The following GRIA2 variants were observed in gnomAD, a reference collection of about 807,000 sequenced individuals.
GRIA2 encodes the protein glutamate ionotropic receptor AMPA type subunit 2.
Under a neutral mutation model 97.3 loss-of-function variants are expected in GRIA2, and 14 were observed. The observed-to-expected ratio is 0.14, with a 90% CI of 0.10 to 0.23. The LOEUF is 0.23. Among genes scored for constraint, GRIA2 ranks in the 10% least tolerant of loss-of-function variants. The pLI is 1.00. For synonymous variants in GRIA2, 412 were observed against 387.8 expected (o/e 1.06, Z -0.73); for missense variants, 558 against 1,069.8 (o/e 0.52, Z 6.67).
chr4:157,341,181 C>T, intron 11 of GRIA2, 83 bp from the exon 12 acceptor site: 1 of 855,680 alleles, frequency 1.2e-6, no homozygotes, highest in South Asian at 1.4e-5. Context: ...CCCTATAAGT[C>T]AATATTTGCA....
intron 6 of GRIA2, among the ~76,000 whole-genome samples, chr4:157,330,009 G>A (rs1404105669): frequency 6.6e-6 from 1 of 151,832 alleles, no homozygotes; most frequent in East Asian, 1.9e-4. Context: ...CTATAGAATT[G>A]GAATAAAAAC....
intron 12 of GRIA2, 54 bp downstream of exon 12, chr4:157,341,516 T>A: frequency 8.1e-7 from 1 of 1,238,168 alleles, no homozygotes; most frequent in Non-Finnish European, 1.2e-6. Context: ...TTAACCTATT[T>A]AAACTTTGTT....
At chr4:157,260,164 A>C (rs1387922541) in intron 2 of GRIA2, among the ~76,000 whole-genome samples, 2 of 152,114 alleles carry the variant, frequency 1.3e-5, no homozygotes, top group Non-Finnish European at 2.9e-5. Context: ...ATTGCAGAGA[A>C]GCTATATATA....
At chr4:157,308,183 C>T (rs1261864031) in intron 3 of GRIA2, among the ~76,000 whole-genome samples, 1 of 152,156 alleles carries the variant, frequency 6.6e-6, no homozygotes, top group African/African-American at 2.4e-5. Context: ...TGGCTGATGG[C>T]TTGTCTATAA....
chr4:157,232,045 A>C (rs143325132), intron 2 of GRIA2, among the ~76,000 whole-genome samples: 36 of 152,332 alleles, frequency 2.4e-4, no homozygotes, highest in Non-Finnish European at 3.5e-4. Context: ...CACAGTGAGT[A>C]GTTTTATTCT....
intron 2 of GRIA2, among the ~76,000 whole-genome samples, chr4:157,264,546 C>G (rs1579315545): frequency 6.6e-6 from 1 of 152,174 alleles, no homozygotes; most frequent in East Asian, 1.9e-4. Flanking sequence ...AAACTCAGCT[C>G]ATTAGTAGCT....
chr4:157,241,692 A>G (rs1480654558), intron 2 of GRIA2, among the ~76,000 whole-genome samples: 1 of 152,062 alleles, frequency 6.6e-6, no homozygotes, highest in Admixed American at 6.6e-5. Context: ...CACTTCTGAG[A>G]TTGCCTTGAG....
At chr4:157,269,471 A>C (rs1382820887) in intron 2 of GRIA2, among the ~76,000 whole-genome samples, 2 of 152,082 alleles carry the variant, frequency 1.3e-5, no homozygotes, top group African/African-American at 4.8e-5. Flanking sequence ...TAGTAAACGT[A>C]CCTCTGAAAG....
intron 1 of GRIA2, chr4:157,221,400 T>A (rs1427647929): frequency 1.8e-5 from 10 of 568,648 alleles, no homozygotes; most frequent in Admixed American, 3.4e-5. Flanking sequence ...TTGCTCAGAT[T>A]TTCTTGGGGT....
At chr4:157,227,317 A>G (rs999510454) in intron 2 of GRIA2, among the ~76,000 whole-genome samples, 4 of 152,128 alleles carry the variant, frequency 2.6e-5, no homozygotes, top group Non-Finnish European at 5.9e-5. Context: ...TTTTCTCATA[A>G]TCTCTTCCAA....
chr4:157,224,056 G>A (rs563598334), intron 2 of GRIA2, among the ~76,000 whole-genome samples: 3 of 152,210 alleles, frequency 2.0e-5, no homozygotes, highest in South Asian at 2.1e-4. Context: ...ACACATTCAT[G>A]TAATCAACAT....
chr4:157,342,161 A>C, intron 12 of GRIA2: 1 of 958,946 alleles, frequency 1.0e-6, no homozygotes, highest in Non-Finnish European at 1.2e-6. Context: ...CAGCTGATTA[A>C]CTTAGGTCTG....
At chr4:157,299,289 G>A (rs1032055985) in intron 2 of GRIA2, among the ~76,000 whole-genome samples, 1 of 152,038 alleles carries the variant, frequency 6.6e-6, no homozygotes, top group Non-Finnish European at 1.5e-5. Flanking sequence ...TATGCATGGG[G>A]TTAATGTCAC....
At chr4:157,263,569 A>G (rs1419234028) in intron 2 of GRIA2, among the ~76,000 whole-genome samples, 2 of 151,938 alleles carry the variant, frequency 1.3e-5, no homozygotes, top group African/African-American at 2.4e-5. Flanking sequence ...GGGTTTTGCT[A>G]CTTCTGAAGA....
chr4:157,358,708 T>G (rs1736501889), intron 12 of GRIA2, among the ~76,000 whole-genome samples: 5 of 152,076 alleles, frequency 3.3e-5, no homozygotes, highest in Admixed American at 1.3e-4. Flanking sequence ...TATGCTATCA[T>G]AAACCCCAGT....
At chr4:157,248,849 G>T (rs1047120127) in intron 2 of GRIA2, among the ~76,000 whole-genome samples, 12 of 142,074 alleles carry the variant, frequency 8.4e-5, no homozygotes, top group Non-Finnish European at 1.5e-4. Flanking sequence ...AAAAAAATAT[G>T]TTTTTTGAGA....
At chr4:157,250,444 T>C (rs1374922376) in intron 2 of GRIA2, among the ~76,000 whole-genome samples, 1 of 152,094 alleles carries the variant, frequency 6.6e-6, no homozygotes, top group African/African-American at 2.4e-5. Context: ...TTTTCGCAAT[T>C]GAAGAAAAGA....
chr4:157,332,966 A>G lies in GRIA2; in HGVS notation c.1030A>G (p.Ile344Val). The stretch of plus-strand genomic sequence containing the variant: ...AGTGCCCTGGGGACAAGGTGTAGAA[A>G]TAGAAAGGGCCCTCAAACAGGTCAG... ...PAVPWGQGVE[I>V]ERALKQVQVE... The change falls in exon 7 of 16, where the codon ATA (isoleucine) becomes GTA (valine). Residue 344 changes from isoleucine to valine, a missense_variant. Coordinates refer to ENST00000264426, the MANE Select transcript of GRIA2 (RefSeq NM_001083619.3). The G allele has an allele frequency of 6.2e-7, 1 of 1,609,428 alleles. No homozygotes were observed. The highest frequency in any genetic ancestry group is 8.5e-7 in the Non-Finnish European group (1 of 1,177,820).
Position 157,341,410 on chromosome 4 carries a change from CAG to C in GRIA2, c.1993_1994del (p.Glu665AsnfsTer12). The C allele has an allele frequency of 6.2e-7, 1 of 1,612,244 alleles. No homozygotes were observed. The highest frequency in any genetic ancestry group is 8.5e-7 in the Non-Finnish European group (1 of 1,178,520). ...AGTGCTGAGGATCTTTCTAAGCAAA[CAG>C]AAATTGCTTATGGAACATTAGACTC... On this transcript the variant is annotated frameshift_variant, in exon 12 of 16. Coordinates refer to ENST00000264426, the MANE Select transcript of GRIA2 (RefSeq NM_001083619.3). LOFTEE classifies it high-confidence loss of function.
Sources: gnomAD v4.1 joint callset for allele counts (sites outside exome capture counted in the v4.1 genomes callset) on GRCh38, gnomAD v4.1.1 for gene constraint, MANE v1.5 for transcripts, NCBI Gene and HGNC (gene_info 2026-07-23, HGNC 2026-07-21) for gene names.